Variants in SLFNL1 observed in about 807,000 individuals in gnomAD.
The protein encoded by SLFNL1 is schlafen like 1.
Under a neutral mutation model 32.5 loss-of-function variants are expected in SLFNL1, and 26 were observed. That is an observed-to-expected ratio of 0.80 (90% CI 0.59 to 1.11). The LOEUF (loss-of-function observed/expected upper bound fraction) is 1.11, where lower values mean the gene tolerates loss of function less well. SLFNL1 is among the 50% of genes least tolerant of loss of function. The pLI is 0.00. For missense variants in SLFNL1, 553 were observed against 546.5 expected, an observed-to-expected ratio of 1.01 and a Z score of -0.12; for synonymous variants, 255 against 242.2, an observed-to-expected ratio of 1.05 and a Z score of -0.49.
chr1:41,015,999 C>G lies in SLFNL1; in HGVS notation c.*107G>C. ...CCATGTTGAAGGAGTCCCTGTCCGC[C>G]TCTCAGCAGCCCGCATGGGCTTTAC... On this transcript the variant is annotated 3_prime_UTR_variant, in exon 6 of 6. Transcript: ENST00000302946. 1 of 1,452,960 alleles carries G rather than the reference C, an allele frequency of 6.9e-7. No homozygotes were observed. Among genetic ancestry groups the G allele is most frequent in the Non-Finnish European group, 9.2e-7 (1 of 1,086,640 alleles). The allele number at this position is 1,452,960 out of a possible 1,614,324, so 90.0% of individuals were successfully genotyped here. A position where few individuals can be genotyped will look rare whatever the true frequency, so the allele number is the denominator to read the frequency against.
At chr1:41,020,799 C>T (rs1256457138) in intron 2 of SLFNL1, 21 bp from the exon 3 acceptor site, 1 of 759,828 alleles carries the variant, frequency 1.3e-6, no homozygotes, top group Non-Finnish European at 2.1e-6. Flanking sequence ...CACAGATTGG[C>T]AGAGACTGGG....
In SLFNL1 at chr1:41,020,929, G is replaced by A. The variant is rs111436958; in HGVS notation, c.-125-59C>T. 78 of 317,014 alleles carry A rather than the reference G, an allele frequency of 2.5e-4. No homozygotes were observed. The South Asian group carries it at 3.2e-3, about 13-fold the overall frequency. The allele number at this position is 317,014 out of a possible 1,614,324, so 19.6% of individuals were successfully genotyped here. A position where few individuals can be genotyped will look rare whatever the true frequency, so the allele number is the denominator to read the frequency against. On this transcript the variant is annotated intron_variant, in intron 1 of 5. Coordinates refer to ENST00000302946, the MANE Select transcript of SLFNL1 (RefSeq NM_144990.4). ...CAAGACACAGGGCCTGTGGGAAGAC[G>A]GGATCTGCCCAAAAAGTGGCAGAAG... is the stretch of plus-strand genomic sequence containing the variant.
Position 41,017,804 on chromosome 1 carries a change from T to G in SLFNL1, c.788A>C (p.Glu263Ala), listed in dbSNP as rs755520675. Residue 263 changes from glutamate to alanine, a missense_variant, in exon 4 of 6, where the codon GAG becomes GCG. Physicochemically the swap from Glu to Ala is moderately radical, Grantham distance 107. Transcript: ENST00000302946. This position sits in a 1 kb window ranked among gnomAD's most constrained non-coding sequence, Gnocchi z 4.9. Reference protein sequence around the residue: ...SEGGSLLVGVEDSGLVQGIRC... With the variant: ...SEGGSLLVGVADSGLVQGIRC... ...GATGCCCTGCACCAGGCCGCTGTCCTCTACTCCCACGAGCAGGCTGCCGCC... is the reference window on the plus strand; with the variant it reads ...GATGCCCTGCACCAGGCCGCTGTCCGCTACTCCCACGAGCAGGCTGCCGCC... 1 of 1,601,402 alleles carries G rather than the reference T, an allele frequency of 6.2e-7. No individual in the cohort carries two copies. The highest frequency in any genetic ancestry group is 2.2e-5 in the East Asian group (1 of 44,562).
At chr1:41,016,371 G>T in intron 5 of SLFNL1, 143 bp from the exon 6 acceptor site, 1 of 1,284,308 alleles carries the variant, frequency 7.8e-7, no homozygotes, top group African/African-American at 1.5e-5. Context: ...CAGGCCCCTC[G>T]GCCTGCTGCC....
rs1032708970 is a variant in SLFNL1 at position 41,015,938 on chromosome 1, G to A, written c.*168C>T. ...GTTTCTTGGCTACACAGATGGGTCT[G>A]TCAGGGTTGAAGCCACATGGGTGCC... On this transcript the variant is annotated 3_prime_UTR_variant, in exon 6 of 6. Transcript: ENST00000302946. The A allele has an allele frequency of 2.3e-6, 2 of 866,150 alleles. No individual in the cohort carries two copies. Among genetic ancestry groups the A allele is most frequent in the Admixed American group, 2.5e-5 (1 of 39,926 alleles). 53.7% of individuals were successfully genotyped at this position (866,150 alleles called of 1,614,324 possible). A position where few individuals can be genotyped will look rare whatever the true frequency, so the allele number is the denominator to read the frequency against.
At chr1:41,020,092 C>T (rs1050348887) in intron 3 of SLFNL1, 134 bp downstream of exon 3, 24 of 896,626 alleles carry the variant, frequency 2.7e-5, no homozygotes, top group Non-Finnish European at 4.0e-5. Context: ...ATTTGAGTGG[C>T]AGCCCCCAAG....
Position 41,020,483 on chromosome 1 carries a change from CTG to C in SLFNL1, c.176_177del (p.Ser59CysfsTer25). The C allele has an allele frequency of 6.2e-7, 1 of 1,613,546 alleles. No homozygotes were observed. The highest frequency in any genetic ancestry group is 8.5e-7 in the Non-Finnish European group (1 of 1,180,048). Reference protein sequence around the residue: ...LYVGHLNPQFSVPVLACLLRD... With the variant: ...LYVGHLNPQFXVPVLACLLRD... ...CGCAGCAGGCAGGCAAGCACCGGCA[CTG>C]AGAACTGGGGGTTCAGATGGCCCAC... On this transcript the variant is annotated frameshift_variant, in exon 3 of 6. Coordinates refer to ENST00000302946, the MANE Select transcript of SLFNL1 (RefSeq NM_144990.4). LOFTEE classifies it high-confidence loss of function.
chr1:41,019,771 C>G (rs184945664), intron 3 of SLFNL1, among the ~76,000 whole-genome samples: 1 of 152,218 alleles, frequency 6.6e-6, no homozygotes, highest in Non-Finnish European at 1.5e-5. Context: ...CCTTGCAGCT[C>G]GGTGGGTGGC....
At position 41,018,133 on chromosome 1, in the gene SLFNL1, G is replaced by GTCC. The variant is rs751622686; in HGVS notation, c.456_458dup (p.Glu152dup). 132 of 1,501,284 alleles carry GTCC rather than the reference G, an allele frequency of 8.8e-5. No homozygotes were observed. The highest frequency in any genetic ancestry group is 4.6e-4 in the African/African-American group (33 of 71,792). The allele number at this position is 1,501,284 out of a possible 1,614,324, so 93.0% of individuals were successfully genotyped here. A position where few individuals can be genotyped will look rare whatever the true frequency, so the allele number is the denominator to read the frequency against. On this transcript the variant is annotated inframe_insertion, in exon 4 of 6. Transcript: ENST00000302946. ...GACTGGGGCCAGGGCTCAGGCCACTGTCCTCCTCCTCCTCCTCCTTCTCCT... is the reference window on the plus strand; with the variant it reads ...GACTGGGGCCAGGGCTCAGGCCACTGTCCTCCTCCTCCTCCTCCTCCTTCTCCT...
Position 41,015,746 on chromosome 1 carries a change from C to G in SLFNL1, c.*360G>C, listed in dbSNP as rs973292948. ...AGGGGCTTTCCTGAGATGACAGATT[C>G]CTTTCTGGCACTGTGTAGCCAACTG... On this transcript the variant is annotated 3_prime_UTR_variant, in exon 6 of 6. Coordinates refer to ENST00000302946, the MANE Select transcript of SLFNL1 (RefSeq NM_144990.4). The G allele has an allele frequency of 5.8e-6, 1 of 173,148 alleles. No homozygotes were observed. The highest frequency in any genetic ancestry group is 1.6e-4 in the East Asian group (1 of 6,264). The allele number at this position is 173,148 out of a possible 1,614,324, so 10.7% of individuals were successfully genotyped here. A position where few individuals can be genotyped will look rare whatever the true frequency, so the allele number is the denominator to read the frequency against.
chr1:41,018,065 A>T lies in SLFNL1; in HGVS notation c.527T>A (p.Leu176Gln). The T allele has an allele frequency of 6.3e-7, 1 of 1,583,672 alleles. No individual in the cohort carries two copies. The highest frequency in any genetic ancestry group is 2.3e-5 in the East Asian group (1 of 43,154). The change falls in exon 4 of 6, where the codon CTG becomes CAG. Residue 176 changes from leucine to glutamine, a missense_variant. Transcript: ENST00000302946. ...CTGCTGGGCCTGGGGCCTATCAGGC[A>T]GCGTGTGTGTAGGCCAGGTGGGCAG... ...VPLPTWPTHT[L>Q]PDRPQAQQLQ...
Position 41,017,744 on chromosome 1 carries a change from A to C in SLFNL1, c.848T>G (p.Leu283Arg), listed in dbSNP as rs767190732. The change falls in exon 4 of 6, where the codon CTG becomes CGG. Residue 283 changes from leucine to arginine, a missense_variant. By Grantham distance (102) the Leu-to-Arg change is moderately radical. Transcript: ENST00000302946. This position sits in a 1 kb window ranked among gnomAD's most constrained non-coding sequence, Gnocchi z 4.9. ...CSHRDEDRARLLVDSILQGFK... is the reference protein window; with the variant it reads ...CSHRDEDRARRLVDSILQGFK... ...GCCCTGCAGGATGGAGTCCACCAGC[A>C]GGCGTGCGCGGTCCTCGTCACGGTG... is the stretch of plus-strand genomic sequence containing the variant. 6.2e-7 allele frequency: 1 copy of C among 1,606,554 alleles called. No homozygotes were observed. Among genetic ancestry groups the C allele is most frequent in the Non-Finnish European group, 8.5e-7 (1 of 1,175,156 alleles).
chr1:41,018,848 T>G (rs1482982416), intron 3 of SLFNL1, among the ~76,000 whole-genome samples: 3 of 144,172 alleles, frequency 2.1e-5, no homozygotes, highest in African/African-American at 7.7e-5. Context: ...TTTTTTTTTT[T>G]TTTTTGAGAC....
In SLFNL1 at chr1:41,017,258, G is replaced by A. The variant is rs199634357; in HGVS notation, c.1077C>T (p.Ser359=). The A allele has an allele frequency of 2.8e-5, 44 of 1,595,658 alleles. No individual in the cohort carries two copies. In the East Asian group the frequency reaches 7.5e-4, roughly 27 times the overall value. The part of the protein sequence containing the change: ...DGSIQGPLSA[S]AIQEWCRQRW... ...CCTGCCTGCACCACTCCTGGATGGC[G>A]CTGGCAGACAGCGGGCCCTGGATGC... The change falls in exon 5 of 6, where the codon AGC becomes AGT. Residue 359 remains serine, a synonymous_variant. Coordinates refer to ENST00000302946, the MANE Select transcript of SLFNL1 (RefSeq NM_144990.4). The surrounding 1 kb of genome is among the most constrained non-coding windows in gnomAD (Gnocchi z 4.9).
Position 41,015,906 on chromosome 1 carries a change from G to T in SLFNL1, c.*200C>A. The T allele has an allele frequency of 1.6e-6, 1 of 625,854 alleles. No homozygotes were observed. The highest frequency in any genetic ancestry group is 2.7e-6 in the Non-Finnish European group (1 of 370,640). The allele number at this position is 625,854 out of a possible 1,614,324, so 38.8% of individuals were successfully genotyped here. On this transcript the variant is annotated 3_prime_UTR_variant, in exon 6 of 6. Coordinates refer to ENST00000302946, the MANE Select transcript of SLFNL1 (RefSeq NM_144990.4). ...AGTAAGGTCATTTGGGGACAGGGCTGAGAGCAGTTTCTTGGCTACACAGAT... is the reference window on the plus strand; with the variant it reads ...AGTAAGGTCATTTGGGGACAGGGCTTAGAGCAGTTTCTTGGCTACACAGAT...
At position 41,020,650 on chromosome 1, in the gene SLFNL1, A is replaced by T. The variant is rs375276089; in HGVS notation, c.11T>A (p.Met4Lys). The change falls in exon 3 of 6, where the codon ATG (methionine) becomes AAG (lysine). Residue 4 changes from methionine (M) to lysine (K), a missense_variant. By Grantham distance (95) the Met-to-Lys change is moderately conservative. Coordinates refer to ENST00000302946, the MANE Select transcript of SLFNL1 (RefSeq NM_144990.4). Reference sequence around the variant, plus strand: ...CACCTGTGTTTGCACTGATCTCTTCATGGGGGTCATGGGAAGGCTCTCCCT... The same window carrying T: ...CACCTGTGTTTGCACTGATCTCTTCTTGGGGGTCATGGGAAGGCTCTCCCT... MTP[M>K]KRSVQTQVSE... is the part of the protein sequence containing the mutation. 6.2e-7 allele frequency: 1 copy of T among 1,604,812 alleles called. No homozygotes were observed. The highest frequency in any genetic ancestry group is 8.5e-7 in the Non-Finnish European group (1 of 1,173,290).
In SLFNL1 at chr1:41,017,044, C is replaced by T; in HGVS notation, c.1101+190G>A. 1 of 644,900 alleles carries T rather than the reference C, an allele frequency of 1.6e-6. No individual in the cohort carries two copies. Among genetic ancestry groups the T allele is most frequent in the Non-Finnish European group, 2.5e-6 (1 of 404,530 alleles). The allele number at this position is 644,900 out of a possible 1,614,324, so 39.9% of individuals were successfully genotyped here. On this transcript the variant is annotated intron_variant, in intron 5 of 5. Transcript: ENST00000302946. The surrounding 1 kb of genome is among the most constrained non-coding windows in gnomAD (Gnocchi z 4.9). ...TTTTAAAAGGAGAGAGCTTGGGCCT[C>T]TTCCTTCCCACCAGCCACCTACCCG...
At chr1:41,018,932 C>T (rs1020303483) in intron 3 of SLFNL1, among the ~76,000 whole-genome samples, 12 of 148,344 alleles carry the variant, frequency 8.1e-5, no homozygotes, top group South Asian at 4.3e-4. Context: ...CTCCGCCTTC[C>T]GGGTTCAAGC....
chr1:41,020,893 C>CG, intron 1 of SLFNL1, 23 bp from the exon 2 acceptor site: 1 of 566,358 alleles, frequency 1.8e-6, no homozygotes. Context: ...AGCAGAGTCA[C>CG]GTGGACTGAG....
Sources: gnomAD v4.1 joint callset for allele counts (sites outside exome capture counted in the v4.1 genomes callset) on GRCh38, gnomAD v4.1.1 for gene constraint, Gnocchi (gnomAD v3.1) non-coding constraint, MANE v1.5 for transcripts, NCBI Gene and HGNC (gene_info 2026-07-23, HGNC 2026-07-21) for gene names.